The following TENM4 variants were observed in gnomAD, a reference collection of about 807,000 sequenced individuals.
TENM4 encodes teneurin transmembrane protein 4.
Under a neutral mutation model 243.3 loss-of-function variants are expected in TENM4, and 82 were observed. That is an observed-to-expected ratio of 0.34 (90% CI 0.28 to 0.40). TENM4 has a LOEUF of 0.40. TENM4 is among the 10% of genes least tolerant of loss of function. TENM4 has a pLI of 1.00. For synonymous variants in TENM4, 1,412 were observed against 1,456.3 expected, an observed-to-expected ratio of 0.97 and a Z score of 0.69; for missense variants, 3,138 against 3,673.3, an observed-to-expected ratio of 0.85 and a Z score of 3.77.
chr11:79,238,531 C>T (rs1277098588), intron 2 of TENM4, among the ~76,000 whole-genome samples: 21 of 152,194 alleles, frequency 1.4e-4, no homozygotes, highest in Non-Finnish European at 1.5e-5. Context: ...ACATATTACA[C>T]TGGCTCCCCT....
chr11:78,782,747 C>T (rs1274529170), intron 16 of TENM4, among the ~76,000 whole-genome samples: 1 of 148,498 alleles, frequency 6.7e-6, no homozygotes, highest in Non-Finnish European at 1.5e-5. Context: ...GCATGCGCAA[C>T]AGAGTGAGAC....
chr11:79,161,764 T>C (rs1410105923), intron 3 of TENM4, among the ~76,000 whole-genome samples: 1 of 152,210 alleles, frequency 6.6e-6, no homozygotes, highest in African/African-American at 2.4e-5. Context: ...GTTCAACCTT[T>C]ATCTTGTGGT....
At chr11:79,428,691 G>T (rs1859105484) in intron 1 of TENM4, among the ~76,000 whole-genome samples, 1 of 152,194 alleles carries the variant, frequency 6.6e-6, no homozygotes, top group Non-Finnish European at 1.5e-5. Context: ...GAGTAAGAAG[G>T]CCACTTTTCT....
chr11:78,893,879 G>A (rs1404798780), intron 7 of TENM4, among the ~76,000 whole-genome samples: 1 of 151,942 alleles, frequency 6.6e-6, no homozygotes. Flanking sequence ...ATTAGGAAGT[G>A]ATAAACACAC....
At chr11:78,777,555 G>A (rs1260400291) in intron 17 of TENM4, among the ~76,000 whole-genome samples, 2 of 152,184 alleles carry the variant, frequency 1.3e-5, no homozygotes, top group African/African-American at 4.8e-5. Flanking sequence ...TACTTATTGA[G>A]CATAATTCCT....
chr11:79,370,610 G>T (rs994463447), intron 1 of TENM4, among the ~76,000 whole-genome samples: 1 of 151,964 alleles, frequency 6.6e-6, no homozygotes. Context: ...AATTCCTAAA[G>T]CGTGGGGCTT....
intron 1 of TENM4, among the ~76,000 whole-genome samples, chr11:79,322,857 A>G (rs886689849): frequency 3.9e-5 from 6 of 152,202 alleles, no homozygotes; most frequent in African/African-American, 1.4e-4. Flanking sequence ...GAAGAGATAC[A>G]ATTTCTCTTG....
chr11:79,063,585 C>A (rs1425104498), intron 6 of TENM4, among the ~76,000 whole-genome samples: 1 of 152,198 alleles, frequency 6.6e-6, no homozygotes, highest in Non-Finnish European at 1.5e-5. Flanking sequence ...CACCTCGGTG[C>A]TGACCTGGCT....
At chr11:79,120,382 ATCTG>A (rs775381019) in intron 4 of TENM4, among the ~76,000 whole-genome samples, 1 of 152,196 alleles carries the variant, frequency 6.6e-6, no homozygotes, top group African/African-American at 2.4e-5. Context: ...CCATCCACCC[ATCTG>A]TCTGTCTGTC....
intron 6 of TENM4, among the ~76,000 whole-genome samples, chr11:79,058,430 A>C (rs1859998850): frequency 1.3e-5 from 2 of 152,084 alleles, no homozygotes; most frequent in African/African-American, 4.8e-5. Flanking sequence ...CTGTAGTCCC[A>C]GCTACTGGGG....
In TENM4 at chr11:79,049,065, C is replaced by T. The variant is rs192431571; in HGVS notation, c.493+15673G>A. 3.9e-5 allele frequency among the ~76,000 whole-genome samples: 6 copies of T among 152,266 alleles called. No homozygotes were observed. In the East Asian group the frequency reaches 1.2e-3, roughly 29 times the overall value. On this transcript the variant is annotated intron_variant, in intron 6 of 33. Transcript: ENST00000278550. ...GTGTCTGTCTTCTGTATACCATGAG[C>T]CCCTGAGGTAGAGACCACGTCAGGT...
intron 1 of TENM4, among the ~76,000 whole-genome samples, chr11:79,357,686 G>C (rs1377103764): frequency 6.6e-6 from 1 of 152,172 alleles, no homozygotes; most frequent in Non-Finnish European, 1.5e-5. Flanking sequence ...AGTACAGCAG[G>C]TACTAAATCT....
chr11:78,736,052 A>G (rs1390720437), intron 20 of TENM4, among the ~76,000 whole-genome samples: 1 of 152,038 alleles, frequency 6.6e-6, no homozygotes, highest in African/African-American at 2.4e-5. Flanking sequence ...CCCTGGGCTC[A>G]AGCAATCCTC....
rs74321926 is a variant in TENM4 at position 79,015,949 on chromosome 11, G to A, written c.493+48789C>T. Among the ~76,000 whole-genome samples the A allele has an allele frequency of 6.2e-3, 948 of 152,258 alleles. 13 individuals are homozygous for A. The highest frequency in any genetic ancestry group is 0.022 in the African/African-American group (914 of 41,538). ...TTGGACCTAAAGATGTCAAAAGTGG[G>A]TGGAAGAGCATTCCAGGAAGGGGAA... On this transcript the variant is annotated intron_variant, in intron 6 of 33. Coordinates refer to ENST00000278550, the MANE Select transcript of TENM4 (RefSeq NM_001098816.3).
chr11:79,346,516 TC>T, intron 1 of TENM4, among the ~76,000 whole-genome samples: 1 of 152,166 alleles, frequency 6.6e-6, no homozygotes, highest in East Asian at 1.9e-4. Flanking sequence ...AACCCCCACC[TC>T]CCACCACATA....
At chr11:79,054,708 A>G (rs1226420322) in intron 6 of TENM4, among the ~76,000 whole-genome samples, 2 of 152,070 alleles carry the variant, frequency 1.3e-5, no homozygotes, top group Non-Finnish European at 2.9e-5. Flanking sequence ...GGCCTCCCAA[A>G]GTGCTGAGAT....
chr11:78,991,166 C>CT (rs1301031504), intron 6 of TENM4, among the ~76,000 whole-genome samples: 3 of 152,160 alleles, frequency 2.0e-5, no homozygotes, highest in Non-Finnish European at 2.9e-5. Context: ...ACTGAATACA[C>CT]TGAAGCTGAG....
chr11:79,252,207 C>T (rs939184233), intron 2 of TENM4, among the ~76,000 whole-genome samples: 7 of 152,136 alleles, frequency 4.6e-5, no homozygotes, highest in African/African-American at 1.7e-4. Context: ...AACAGTCATC[C>T]CTGGGGAAAA....
At chr11:78,879,580 G>A (rs1318494366) in intron 9 of TENM4, among the ~76,000 whole-genome samples, 6 of 132,986 alleles carry the variant, frequency 4.5e-5, no homozygotes, top group South Asian at 2.6e-4. Flanking sequence ...CCACACGGCC[G>A]CCCTGTCTGG....
Sources: allele counts gnomAD v4.1 joint callset (sites outside exome capture counted in the v4.1 genomes callset), GRCh38; gene constraint gnomAD v4.1.1; transcripts MANE v1.5; gene names NCBI Gene and HGNC (gene_info 2026-07-23, HGNC 2026-07-21).